CELSR1: variants seen among roughly 807,000 people sequenced by gnomAD.
CELSR1 encodes adhesion G protein-coupled receptor C1.
CELSR1 carries 110 observed loss-of-function variants against 249.1 expected under a neutral mutation model. The ratio of observed to expected loss-of-function variants is 0.44; its 90% CI spans 0.38 to 0.52. The LOEUF (loss-of-function observed/expected upper bound fraction) is 0.52. Among genes scored for constraint, CELSR1 ranks in the 20% least tolerant of loss-of-function variants. The pLI, the probability that CELSR1 is intolerant of heterozygous loss-of-function variation, is 0.00. For missense variants in CELSR1, 4,109 were observed against 4,296.4 expected (o/e 0.96, Z 1.22); for synonymous variants, 2,113 against 1,900.0 (o/e 1.11, Z -2.92).
rs1266632453 is a variant in CELSR1 at position 46,411,659 on chromosome 22, C to T, written c.4712G>A (p.Gly1571Glu). The change falls in exon 6 of 35, where the codon GGA becomes GAA. Residue 1571 changes from glycine (G) to glutamate (E), a missense_variant. Gly to Glu is a moderately conservative substitution (Grantham distance 98). Transcript: ENST00000674500. The surrounding 1 kb of genome is among the most constrained non-coding windows in gnomAD (Gnocchi z 4.2). ...GCAGCTGTAGTTCCCGATGTCCTTT[C>T]CAAAGCGCACAGCCATGGTTGTGTC... ...DCDTTMAVRF[G>E]KDIGNYSCAA... The T allele has an allele frequency of 1.2e-6, 2 of 1,614,228 alleles. No homozygotes were observed. The highest frequency in any genetic ancestry group is 1.7e-6 in the Non-Finnish European group (2 of 1,180,046).
intron 2 of CELSR1, 76 bp downstream of exon 2, chr22:46,463,629 CAG>C (rs2080058303): frequency 9.9e-6 from 14 of 1,407,540 alleles, no homozygotes; most frequent in Non-Finnish European, 1.3e-5. Flanking sequence ...GGGAAGTAAA[CAG>C]AGGAAACCAC....
chr22:46,364,505 C>A lies in CELSR1; in HGVS notation c.8779+7G>T. On this transcript the variant is annotated splice_region_variant and intron_variant, in intron 33 of 34. Transcript: ENST00000674500. ...CCTTTCACTGCAGCCCCGGCCTCCC[C>A]AGGCACCTTTCCTCTGCTCTGGGGG... 6.2e-7 allele frequency: 1 copy of A among 1,606,608 alleles called. No homozygotes were observed. Among genetic ancestry groups the A allele is most frequent in the Non-Finnish European group, 8.5e-7 (1 of 1,176,790 alleles).
Position 46,367,888 on chromosome 22 carries a change from C to T in CELSR1, c.7953-33G>A, listed in dbSNP as rs756058174. Reference sequence around the variant, plus strand: ...AGGGCAGGATCAGGCCTGTGCCCATCGCCACCACCTGCTCCCTTCCTCCCT... The same window carrying T: ...AGGGCAGGATCAGGCCTGTGCCCATTGCCACCACCTGCTCCCTTCCTCCCT... On this transcript the variant is annotated intron_variant, in intron 27 of 34. Transcript: ENST00000674500. 1.3e-5 allele frequency: 21 copies of T among 1,590,460 alleles called. No individual in the cohort carries two copies. The East Asian group carries it at 1.8e-4, about 14-fold the overall frequency.
Position 46,391,502 on chromosome 22 carries a change from G to T in CELSR1, c.6148+131C>A. The T allele has an allele frequency of 1.7e-6, 2 of 1,150,074 alleles. No individual in the cohort carries two copies. Among genetic ancestry groups the T allele is most frequent in the South Asian group, 1.6e-5 (1 of 61,634 alleles). The allele number at this position is 1,150,074 out of a possible 1,614,324, so 71.2% of individuals were successfully genotyped here. The stretch of plus-strand genomic sequence containing the variant: ...TCACGCAGAACCAGGTTTCTAGAAG[G>T]TCAAGAGAACTCAGAACACGAGGGA... On this transcript the variant is annotated intron_variant, in intron 15 of 34. Coordinates refer to ENST00000674500, the MANE Select transcript of CELSR1 (RefSeq NM_001378328.1). This position sits in a 1 kb window ranked among gnomAD's most constrained non-coding sequence, Gnocchi z 4.3.
chr22:46,456,536 A>G (rs539047075), intron 2 of CELSR1, among the ~76,000 whole-genome samples: 1,559 of 151,834 alleles, frequency 0.01, 15 homozygotes, highest in Non-Finnish European at 0.016. Flanking sequence ...GGTGGTGGGC[A>G]CCTGTAGTCC....
intron 1 of CELSR1, among the ~76,000 whole-genome samples, chr22:46,475,693 G>A (rs1419260887): frequency 2.6e-5 from 4 of 151,816 alleles, no homozygotes; most frequent in East Asian, 1.9e-4. Context: ...ATGAAGCTAC[G>A]AAGATATCTA....
At position 46,374,930 on chromosome 22, in the gene CELSR1, G is replaced by A. The variant is rs1386524225; in HGVS notation, c.7585-1873C>T. On this transcript the variant is annotated intron_variant, in intron 24 of 34. Transcript: ENST00000674500. The surrounding 1 kb of genome is among the most constrained non-coding windows in gnomAD (Gnocchi z 4.3). ...CCTCGGGAAGCACCTGGGAGGCGGC[G>A]GGGAAGGTTGGCCCTGGCTGGTCTG... Among the ~76,000 whole-genome samples, 2 of 152,096 alleles carry A rather than the reference G, an allele frequency of 1.3e-5. No individual in the cohort carries two copies. Among genetic ancestry groups the A allele is most frequent in the Non-Finnish European group, 2.9e-5 (2 of 68,030 alleles).
Position 46,364,103 on chromosome 22 carries a change from G to GCAGT in CELSR1, c.8924_8927dup (p.Cys2976Ter). ...TCCCAGGGCTCTTGACTGTGATGGC[G>GCAGT]CAGTCGGGGCCGCCAGAGCCCAGGG... On this transcript the variant is annotated stop_gained and frameshift_variant, in exon 34 of 35. Transcript: ENST00000674500. LOFTEE classifies it high-confidence loss of function. 1.2e-6 allele frequency: 2 copies of GCAGT among 1,612,262 alleles called. No individual in the cohort carries two copies. Among genetic ancestry groups the GCAGT allele is most frequent in the Non-Finnish European group, 1.7e-6 (2 of 1,179,600 alleles).
intron 1 of CELSR1, among the ~76,000 whole-genome samples, chr22:46,503,851 C>G (rs996432161): frequency 8.7e-5 from 13 of 149,370 alleles, no homozygotes; most frequent in African/African-American, 2.2e-4. Context: ...GGCAACACAG[C>G]AAGACCTCTG....
Position 46,398,710 on chromosome 22 carries a change from A to T in CELSR1, c.5413-73T>A. On this transcript the variant is annotated intron_variant, in intron 10 of 34. Coordinates refer to ENST00000674500, the MANE Select transcript of CELSR1 (RefSeq NM_001378328.1). The surrounding 1 kb of genome is among the most constrained non-coding windows in gnomAD (Gnocchi z 7.2). ...TAGAAACGTCTCTCAGATGGGAAGG[A>T]TACACTGGAAGTCTAAACAGTCACT... 8.3e-7 allele frequency: 1 copy of T among 1,202,164 alleles called. No homozygotes were observed. Among genetic ancestry groups the T allele is most frequent in the Non-Finnish European group, 1.2e-6 (1 of 840,582 alleles). The allele number at this position is 1,202,164 out of a possible 1,614,324, so 74.5% of individuals were successfully genotyped here.
Position 46,410,461 on chromosome 22 carries a change from G to C in CELSR1, c.4870C>G (p.Leu1624Val). 6.2e-7 allele frequency: 1 copy of C among 1,614,136 alleles called. No individual in the cohort carries two copies. The highest frequency in any genetic ancestry group is 8.5e-7 in the Non-Finnish European group (1 of 1,180,038). Reference protein sequence around the residue: ...NRQFVGCMRNLSVDGKNVDMA... With the variant: ...NRQFVGCMRNVSVDGKNVDMA... ...TCCACATTTTTGCCGTCGACTGACA[G>C]GTTCCGCATGCAGCCCACGAACTGC... Residue 1624 changes from leucine (L) to valine (V), a missense_variant, in exon 7 of 35, where the codon CTG becomes GTG. Coordinates refer to ENST00000674500, the MANE Select transcript of CELSR1 (RefSeq NM_001378328.1). The surrounding 1 kb of genome is among the most constrained non-coding windows in gnomAD (Gnocchi z 6.8).
Position 46,482,495 on chromosome 22 carries a change from C to T in CELSR1, c.3545-18150G>A, listed in dbSNP as rs980036369. 5.9e-5 allele frequency among the ~76,000 whole-genome samples: 9 copies of T among 152,078 alleles called. No individual in the cohort carries two copies. The East Asian group carries it at 1.7e-3, about 29-fold the overall frequency. ...TCTAGGAGGCAGAAAATCCAATCAC[C>T]CAGTTTTACTGATGAGGAAACCAAA... On this transcript the variant is annotated intron_variant, in intron 1 of 34. Transcript: ENST00000674500.
rs1350556849 is a variant in CELSR1 at position 46,396,918 on chromosome 22, C to A, written c.5702-172G>T. 6.6e-6 allele frequency among the ~76,000 whole-genome samples: 1 copy of A among 152,094 alleles called. No homozygotes were observed. The highest frequency in any genetic ancestry group is 1.5e-5 in the Non-Finnish European group (1 of 68,012). On this transcript the variant is annotated intron_variant, in intron 12 of 34. Coordinates refer to ENST00000674500, the MANE Select transcript of CELSR1 (RefSeq NM_001378328.1). This position sits in a 1 kb window ranked among gnomAD's most constrained non-coding sequence, Gnocchi z 6.4. ...AAAACACAGCGTTAGGCGGGTTAGA[C>A]TTAGTGATGCAGAGAGGAAGGCCTT... is the stretch of plus-strand genomic sequence containing the variant.
At position 46,473,415 on chromosome 22, in the gene CELSR1, G is replaced by A. The variant is rs2080175996; in HGVS notation, c.3545-9070C>T. The stretch of plus-strand genomic sequence containing the variant: ...GAAAGGCCAGTTTGTGACCCACCTG[G>A]GGCCTTGGAGATGACCCAGTGAGAT... On this transcript the variant is annotated intron_variant, in intron 1 of 34. Coordinates refer to ENST00000674500, the MANE Select transcript of CELSR1 (RefSeq NM_001378328.1). The surrounding 1 kb of genome is among the most constrained non-coding windows in gnomAD (Gnocchi z 6.6). Among the ~76,000 whole-genome samples, 1 of 152,100 alleles carries A rather than the reference G, an allele frequency of 6.6e-6. No individual in the cohort carries two copies. The highest frequency in any genetic ancestry group is 6.5e-5 in the Admixed American group (1 of 15,268).
At position 46,381,385 on chromosome 22, in the gene CELSR1, GGAA is replaced by G. The variant is rs915575797; in HGVS notation, c.7089-433_7089-431del. Among the ~76,000 whole-genome samples, 8 of 152,312 alleles carry G rather than the reference GGAA, an allele frequency of 5.3e-5. No homozygotes were observed. In the South Asian group the frequency reaches 1.2e-3, roughly 24 times the overall value. On this transcript the variant is annotated intron_variant, in intron 21 of 34. Coordinates refer to ENST00000674500, the MANE Select transcript of CELSR1 (RefSeq NM_001378328.1). The surrounding 1 kb of genome is among the most constrained non-coding windows in gnomAD (Gnocchi z 6.0). The stretch of plus-strand genomic sequence containing the variant: ...CCAGGGAAGTATCTGGGAAATGGCA[GGAA>G]GAAGGAGGGCGGAGCCTTGGGCTGC...
chr22:46,498,672 T>C (rs1215637461), intron 1 of CELSR1, among the ~76,000 whole-genome samples: 1 of 151,008 alleles, frequency 6.6e-6, no homozygotes, highest in African/African-American at 2.4e-5. Context: ...GAAATAAACA[T>C]GGACAGGGAG....
At chr22:46,508,301 G>A (rs1445820211) in intron 1 of CELSR1, among the ~76,000 whole-genome samples, 2 of 140,528 alleles carry the variant, frequency 1.4e-5, no homozygotes, top group East Asian at 2.0e-4. Flanking sequence ...GCAGGTGTGC[G>A]GGAGGATTTG....
chr22:46,421,210 G>T (rs988269490), intron 5 of CELSR1, among the ~76,000 whole-genome samples: 1 of 152,038 alleles, frequency 6.6e-6, no homozygotes, highest in Non-Finnish European at 1.5e-5. Context: ...AGGTGCTGGG[G>T]GGGTAGAGGC....
chr22:46,462,796 G>A (rs979184693), intron 2 of CELSR1: 32 of 368,422 alleles, frequency 8.7e-5, no homozygotes, highest in Admixed American at 4.6e-4. Context: ...TACCGCTCTC[G>A]GGGTGGCTCT....
Sources: gnomAD v4.1 joint callset for allele counts (sites outside exome capture counted in the v4.1 genomes callset) on GRCh38, gnomAD v4.1.1 for gene constraint, Gnocchi (gnomAD v3.1) non-coding constraint, MANE v1.5 for transcripts, NCBI Gene and HGNC (gene_info 2026-07-23, HGNC 2026-07-21) for gene names.